RNF111: variants seen among roughly 807,000 people sequenced by gnomAD.
RNF111 encodes the protein E3 ubiquitin-protein ligase Arkadia.
A neutral mutation model predicts 95.1 loss-of-function variants in RNF111; 17 were observed. The ratio of observed to expected loss-of-function variants is 0.18; its 90% CI spans 0.12 to 0.27. The LOEUF is 0.27. Among genes scored for constraint, RNF111 ranks in the 10% least tolerant of loss-of-function variants. The pLI is 1.00. For synonymous variants in RNF111, 440 were observed against 414.8 expected (o/e 1.06, Z -0.74); for missense variants, 1,189 against 1,210.4 (o/e 0.98, Z 0.26).
At chr15:59,068,520 C>T (rs1200966840) in intron 6 of RNF111, among the ~76,000 whole-genome samples, 13 of 151,710 alleles carry the variant, frequency 8.6e-5, no homozygotes, top group Non-Finnish European at 1.3e-4. Context: ...GCAGGATAAT[C>T]ACTTTAACTT....
chr15:59,088,435 A>C lies in RNF111; in HGVS notation c.2551-1232A>C, dbSNP rs933311874. Reference sequence around the variant, plus strand: ...ATCTTGGTTATAAGAAAAGTTGTAAACAATTTAAGTAATAGGCTATTGAAG... The same window carrying C: ...ATCTTGGTTATAAGAAAAGTTGTAACCAATTTAAGTAATAGGCTATTGAAG... On this transcript the variant is annotated intron_variant, in intron 10 of 13. Transcript: ENST00000348370. Among the ~76,000 whole-genome samples the C allele has an allele frequency of 4.5e-4, 69 of 152,208 alleles. 1 individual carries two copies. Among genetic ancestry groups the C allele is most frequent in the Non-Finnish European group, 1.9e-4 (13 of 68,038 alleles).
At chr15:59,038,849 G>A (rs2041309760) in intron 2 of RNF111, among the ~76,000 whole-genome samples, 1 of 152,104 alleles carries the variant, frequency 6.6e-6, no homozygotes, top group Admixed American at 6.5e-5. Context: ...TGATCAGAGG[G>A]TTCAGATGTT....
At chr15:59,004,891 A>G (rs190808318) in intron 1 of RNF111, among the ~76,000 whole-genome samples, 222 of 152,326 alleles carry the variant, frequency 1.5e-3, no homozygotes, top group African/African-American at 3.9e-3. Context: ...ATCTGACAGC[A>G]TAGTAAGATG....
chr15:58,992,219 A>G (rs2038849662), intron 1 of RNF111, among the ~76,000 whole-genome samples: 1 of 151,978 alleles, frequency 6.6e-6, no homozygotes, highest in South Asian at 2.1e-4. Context: ...AACTTTTTGT[A>G]TTTTTAGTAG....
chr15:59,067,212 T>A (rs1203195473), intron 6 of RNF111, 129 bp downstream of exon 6: 8 of 795,704 alleles, frequency 1.0e-5, no homozygotes, highest in Non-Finnish European at 1.6e-5. Flanking sequence ...CTCTCCCTGC[T>A]TTCTTCCCTC....
At chr15:59,010,194 C>T (rs901739746) in intron 1 of RNF111, among the ~76,000 whole-genome samples, 6 of 151,944 alleles carry the variant, frequency 3.9e-5, no homozygotes, top group Admixed American at 2.0e-4. Flanking sequence ...TATTTTTAGA[C>T]AAGTTTTGGG....
At chr15:58,989,264 T>G (rs1244993176) in intron 1 of RNF111, among the ~76,000 whole-genome samples, 1 of 152,242 alleles carries the variant, frequency 6.6e-6, no homozygotes, top group African/African-American at 2.4e-5. Flanking sequence ...AACAGATGGA[T>G]AAGAAGGAAG....
intron 2 of RNF111, among the ~76,000 whole-genome samples, chr15:59,043,627 A>T (rs1221259640): frequency 6.6e-6 from 1 of 152,196 alleles, no homozygotes; most frequent in Non-Finnish European, 1.5e-5. Flanking sequence ...TGCTATTGTG[A>T]AAATGCTACA....
intron 12 of RNF111, among the ~76,000 whole-genome samples, chr15:59,092,046 G>C (rs1193443289): frequency 1.3e-5 from 2 of 152,186 alleles, no homozygotes; most frequent in Admixed American, 6.5e-5. Flanking sequence ...ACTATGTAAA[G>C]AATAATCATA....
intron 10 of RNF111, among the ~76,000 whole-genome samples, chr15:59,086,638 A>T (rs2078908275): frequency 6.6e-6 from 1 of 152,226 alleles, no homozygotes; most frequent in Non-Finnish European, 1.5e-5. Context: ...TTTCTGGTAC[A>T]TGTGACTTCT....
Position 59,084,143 on chromosome 15 carries a change from GC to G in RNF111, c.2318del (p.Pro773HisfsTer44). 6.3e-7 allele frequency: 1 copy of G among 1,584,158 alleles called. No individual in the cohort carries two copies. The highest frequency in any genetic ancestry group is 8.6e-7 in the Non-Finnish European group (1 of 1,165,178). On this transcript the variant is annotated frameshift_variant, in exon 9 of 14. Coordinates refer to ENST00000348370, the MANE Select transcript of RNF111 (RefSeq NM_017610.8). LOFTEE classifies it high-confidence loss of function. Reference sequence around the variant, plus strand: ...TGTGTTTCCAGGCGGGCACATGAACGCCCCCCACCCCATCCACATAGGATGC... The same window carrying G: ...TGTGTTTCCAGGCGGGCACATGAACGCCCCCACCCCATCCACATAGGATGC... ...MMQHPTRAHE[R>X]PPPHPHRMHP...
chr15:59,052,103 G>C (rs1412618870), intron 2 of RNF111, among the ~76,000 whole-genome samples: 1 of 152,176 alleles, frequency 6.6e-6, no homozygotes, highest in Admixed American at 6.5e-5. Context: ...AACATGCAAA[G>C]AAGTGTAGAT....
intron 1 of RNF111, among the ~76,000 whole-genome samples, chr15:59,027,844 T>A (rs2141723394): frequency 1.3e-5 from 2 of 150,654 alleles, no homozygotes; most frequent in South Asian, 2.1e-4. Flanking sequence ...ACCTTTTTTT[T>A]TTTTTTTCCC....
chr15:59,013,685 T>G (rs1440476929), intron 1 of RNF111, among the ~76,000 whole-genome samples: 1 of 152,142 alleles, frequency 6.6e-6, no homozygotes, highest in Non-Finnish European at 1.5e-5. Flanking sequence ...GGGGGAGGGG[T>G]TGTTAAGTTT....
At chr15:59,019,316 G>T (rs192190478) in intron 1 of RNF111, among the ~76,000 whole-genome samples, 1 of 152,084 alleles carries the variant, frequency 6.6e-6, no homozygotes, top group Admixed American at 6.5e-5. Context: ...ACTTTGAATG[G>T]ATCCTTAGGT....
chr15:59,051,977 A>G (rs923145679), intron 2 of RNF111, among the ~76,000 whole-genome samples: 1 of 152,126 alleles, frequency 6.6e-6, no homozygotes, highest in Non-Finnish European at 1.5e-5. Context: ...ATCTTATACA[A>G]GATCTATAAT....
At chr15:59,047,057 A>G (rs533715591) in intron 2 of RNF111, among the ~76,000 whole-genome samples, 1 of 152,110 alleles carries the variant, frequency 6.6e-6, no homozygotes, top group Non-Finnish European at 1.5e-5. Flanking sequence ...TCCTAGGCTC[A>G]AGCAATCCAC....
chr15:59,054,260 T>G (rs1490442032), intron 3 of RNF111, among the ~76,000 whole-genome samples: 5 of 152,166 alleles, frequency 3.3e-5, no homozygotes, highest in African/African-American at 1.2e-4. Flanking sequence ...TAAGAGAGTA[T>G]TTCTTTGTTT....
rs1363025601 is a variant in RNF111, at chr15:59,094,786, T to C, written c.2847T>C (p.Arg949=). The change falls in exon 14 of 14, where the codon CGT becomes CGC. Residue 949 remains arginine (R), a synonymous_variant. Coordinates refer to ENST00000348370, the MANE Select transcript of RNF111 (RefSeq NM_017610.8). ...TTTGTTTTCTTGCCAATAATAGACG[T>C]CTTCCATGTATGCACCTTTTCCACC... ...SILEEGEDVR[R]LPCMHLFHQV... 1 of 1,590,996 alleles carries C rather than the reference T, an allele frequency of 6.3e-7. No homozygotes were observed. The highest frequency in any genetic ancestry group is 8.6e-7 in the Non-Finnish European group (1 of 1,159,034).
Sources: gnomAD v4.1 joint callset for allele counts (sites outside exome capture counted in the v4.1 genomes callset) on GRCh38, gnomAD v4.1.1 for gene constraint, MANE v1.5 for transcripts, NCBI Gene and HGNC (gene_info 2026-07-23, HGNC 2026-07-21) for gene names.